The following VPS13C variants were observed in gnomAD, a reference collection of about 807,000 sequenced individuals.
The protein encoded by VPS13C is intermembrane lipid transfer protein VPS13C.
In VPS13C, 358 loss-of-function variants were observed where a neutral mutation model predicts 456.8. The observed-to-expected ratio is 0.78, with a 90% CI of 0.72 to 0.86. The LOEUF (loss-of-function observed/expected upper bound fraction) is 0.86. Ranked by LOEUF, VPS13C falls within the 40% of genes least tolerant of loss-of-function variation. The probability of loss-of-function intolerance (pLI) is 0.00; values close to 1 mark genes in which losing one functional copy is unlikely to be tolerated. For synonymous variants in VPS13C, 1,578 were observed against 1,486.7 expected (o/e 1.06, Z -1.41); for missense variants, 4,818 against 4,385.4 (o/e 1.10, Z -2.79).
At chr15:62,015,466 T>C (rs2047200562) in intron 9 of VPS13C, among the ~76,000 whole-genome samples, 1 of 151,858 alleles carries the variant, frequency 6.6e-6, no homozygotes, top group South Asian at 2.1e-4. Context: ...TAGGTTTTCT[T>C]CTAGGGTTTT....
At chr15:61,898,267 G>A (rs2042893487) in intron 66 of VPS13C, among the ~76,000 whole-genome samples, 1 of 151,998 alleles carries the variant, frequency 6.6e-6, no homozygotes, top group African/African-American at 2.4e-5. Context: ...AACTTTAAAT[G>A]TAAATGGACT....
At chr15:61,942,585 G>T (rs1596361825) in intron 45 of VPS13C, among the ~76,000 whole-genome samples, 1 of 148,820 alleles carries the variant, frequency 6.7e-6, no homozygotes, top group African/African-American at 2.5e-5. Context: ...AGGAAAGACA[G>T]TTAATTGTCT....
At chr15:62,005,153 T>C (rs1037201536) in intron 15 of VPS13C, among the ~76,000 whole-genome samples, 3 of 152,212 alleles carry the variant, frequency 2.0e-5, no homozygotes, top group Non-Finnish European at 4.4e-5. Context: ...TGTGTGGGAC[T>C]CTAAGTCTCT....
chr15:62,016,325 G>T (rs566340101), intron 9 of VPS13C, among the ~76,000 whole-genome samples: 4 of 151,876 alleles, frequency 2.6e-5, no homozygotes, highest in Admixed American at 2.6e-4. Context: ...ACAACGTGCA[G>T]ATTAGTTACG....
chr15:61,871,330 C>T (rs542443581), intron 79 of VPS13C, among the ~76,000 whole-genome samples: 2 of 152,212 alleles, frequency 1.3e-5, no homozygotes, highest in Non-Finnish European at 2.9e-5. Flanking sequence ...GAAGTTGTCC[C>T]AGCAAATTTC....
chr15:61,981,556 A>T, intron 21 of VPS13C, 78 bp from the exon 22 acceptor site: 2 of 1,418,990 alleles, frequency 1.4e-6, no homozygotes, highest in Non-Finnish European at 1.9e-6. Flanking sequence ...CTAGAATAAG[A>T]GTTTTACTTG....
intron 79 of VPS13C, 128 bp from the exon 80 acceptor site, chr15:61,869,751 G>C (rs1439291619): frequency 1.4e-6 from 2 of 1,455,960 alleles, no homozygotes; most frequent in Admixed American, 4.6e-5. Flanking sequence ...GCTTTCTAAA[G>C]AAGTTAAATG....
In VPS13C at chr15:61,967,353, T is replaced by C; in HGVS notation, c.2991+15A>G. The C allele has an allele frequency of 6.3e-7, 1 of 1,587,672 alleles. No individual in the cohort carries two copies. Among genetic ancestry groups the C allele is most frequent in the East Asian group, 2.3e-5 (1 of 44,130 alleles). On this transcript the variant is annotated intron_variant, in intron 29 of 84. Transcript: ENST00000644861. ...GGAGTAAACAATAAATATATAATCA[T>C]TCTATAGCCCTTACCTTAATATACT...
chr15:61,987,710 G>A (rs903228770), intron 18 of VPS13C, among the ~76,000 whole-genome samples: 10 of 152,146 alleles, frequency 6.6e-5, no homozygotes, highest in African/African-American at 2.2e-4. Flanking sequence ...TATCAAATCC[G>A]CTAAAATGGC....
At chr15:61,857,915 G>A (rs1894009374) in intron 82 of VPS13C, among the ~76,000 whole-genome samples, 1 of 152,126 alleles carries the variant, frequency 6.6e-6, no homozygotes, top group East Asian at 1.9e-4. Flanking sequence ...TTTTGGACTT[G>A]TATGGGATGG....
chr15:62,059,429 C>T (rs2140830313), intron 1 of VPS13C, among the ~76,000 whole-genome samples: 1 of 152,274 alleles, frequency 6.6e-6, no homozygotes. Flanking sequence ...TCCCAAAGTC[C>T]TCAAAGCTTA....
intron 6 of VPS13C, among the ~76,000 whole-genome samples, chr15:62,024,646 C>A (rs1241138571): frequency 1.3e-5 from 2 of 152,152 alleles, no homozygotes; most frequent in South Asian, 4.2e-4. Context: ...TAATCACATC[C>A]TGTTAATCTC....
At chr15:61,878,864 G>T in intron 73 of VPS13C, 118 bp from the exon 74 acceptor site, 1 of 1,065,766 alleles carries the variant, frequency 9.4e-7, no homozygotes, top group Non-Finnish European at 1.3e-6. Flanking sequence ...CCTAGTGAAA[G>T]CTATTATTTG....
At position 61,934,328 on chromosome 15, in the gene VPS13C, T is replaced by C; in HGVS notation, c.5759A>G (p.Gln1920Arg). 1.3e-6 allele frequency: 2 copies of C among 1,528,736 alleles called. No individual in the cohort carries two copies. The highest frequency in any genetic ancestry group is 1.4e-5 in the African/African-American group (1 of 72,254). 94.7% of individuals were successfully genotyped at this position (1,528,736 alleles called of 1,614,324 possible). Residue 1920 changes from glutamine (Q) to arginine (R), a missense_variant, in exon 49 of 85, where the codon CAA (glutamine) becomes CGA (arginine). Gln to Arg is a conservative substitution (Grantham distance 43, BLOSUM62 1). Transcript: ENST00000644861. ...VSSVPDHLKE[Q>R]EDWTDSKLSM... ...GAGCTTTGAGTCTGTCCAATCTTCT[T>C]GTTCTAATGGTGAAAATTTAAAAGC... is the stretch of plus-strand genomic sequence containing the variant.
intron 81 of VPS13C, chr15:61,865,380 TACAAGAATTA>T: frequency 3.1e-6 from 3 of 981,052 alleles, no homozygotes; most frequent in Non-Finnish European, 3.6e-6. Context: ...TAGATGGCAA[TACAAGAATTA>T]AAAATGTTAA....
At chr15:61,894,664 G>C (rs1393270175) in intron 66 of VPS13C, among the ~76,000 whole-genome samples, 2 of 152,094 alleles carry the variant, frequency 1.3e-5, no homozygotes, top group Non-Finnish European at 1.5e-5. Flanking sequence ...TAATGATAAA[G>C]AGGTCAATTC....
Position 61,929,659 on chromosome 15 carries a change from G to C in VPS13C, c.6128C>G (p.Ala2043Gly), listed in dbSNP as rs149882066. The change falls in exon 51 of 85, where the codon GCT becomes GGT. Residue 2043 changes from alanine to glycine, a missense_variant. Ala to Gly is a moderately conservative substitution (Grantham distance 60). This residue lies in a region of VPS13C where 4,552 missense variants were observed against 4,130.6 expected (regional missense o/e 1.10). Coordinates refer to ENST00000644861, the MANE Select transcript of VPS13C (RefSeq NM_020821.3). Reference protein sequence around the residue: ...KQDKNGSQIDAVLDKLYVCAS... With the variant: ...KQDKNGSQIDGVLDKLYVCAS... Reference sequence around the variant, plus strand: ...ACATACATACAGCTTGTCAAGAACAGCATCAATTTGACTTCCATTTTTGTC... The same window carrying C: ...ACATACATACAGCTTGTCAAGAACACCATCAATTTGACTTCCATTTTTGTC... The C allele has an allele frequency of 1.4e-4, 222 of 1,613,950 alleles. No individual in the cohort carries two copies. The East Asian group carries it at 4.4e-3, about 32-fold the overall frequency.
At chr15:61,966,414 G>A (rs1318127656) in intron 29 of VPS13C, among the ~76,000 whole-genome samples, 1 of 151,828 alleles carries the variant, frequency 6.6e-6, no homozygotes, top group Non-Finnish European at 1.5e-5. Flanking sequence ...GTTGTAAGGT[G>A]TCACAGTCAC....
chr15:61,911,720 G>A (rs2043307159), intron 63 of VPS13C, 120 bp downstream of exon 63: 1 of 1,000,808 alleles, frequency 1.0e-6, no homozygotes. Context: ...TTCAAAGCTG[G>A]CTGTCATATT....
Sources: allele counts gnomAD v4.1 joint callset (sites outside exome capture counted in the v4.1 genomes callset), GRCh38; gene constraint gnomAD v4.1.1; regional missense constraint gnomAD v4.1.1; transcripts MANE v1.5; gene names NCBI Gene and HGNC (gene_info 2026-07-23, HGNC 2026-07-21).